Variants in TCF4 observed in about 807,000 individuals in gnomAD.
TCF4 encodes the protein transcription factor 4.
Under a neutral mutation model 82.1 loss-of-function variants are expected in TCF4, and 3 were observed. That is an observed-to-expected ratio of 0.04 (90% CI 0.02 to 0.09). TCF4 has a LOEUF of 0.09. Among genes scored for constraint, TCF4 ranks in the 10% least tolerant of loss-of-function variants. The probability of loss-of-function intolerance (pLI) is 1.00; values close to 1 mark genes in which losing one functional copy is unlikely to be tolerated. For synonymous variants in TCF4, 276 were observed against 309.6 expected (o/e 0.89, Z 1.14); for missense variants, 518 against 852.7 (o/e 0.61, Z 4.89).
chr18:55,523,658 T>C (rs954286393), intron 3 of TCF4, among the ~76,000 whole-genome samples: 11 of 152,044 alleles, frequency 7.2e-5, no homozygotes, highest in Non-Finnish European at 1.5e-4. Context: ...CAATACATAG[T>C]ATCTCTTTTA....
At chr18:55,538,734 A>G (rs985984605) in intron 3 of TCF4, among the ~76,000 whole-genome samples, 6 of 152,180 alleles carry the variant, frequency 3.9e-5, no homozygotes, top group African/African-American at 1.4e-4. Context: ...CCTTCAGCAA[A>G]CAGCAAACAC....
chr18:55,321,623 A>G (rs181423443), intron 8 of TCF4: 12 of 1,536,082 alleles, frequency 7.8e-6, no homozygotes, highest in Non-Finnish European at 9.6e-6. Context: ...CATCCCTGCG[A>G]CAATAAAACT....
intron 2 of TCF4, among the ~76,000 whole-genome samples, chr18:55,594,634 A>G (rs2097689024): frequency 6.6e-6 from 1 of 152,170 alleles, no homozygotes; most frequent in Admixed American, 6.5e-5. Flanking sequence ...CCAGCAGGCT[A>G]CTGACTCCTG....
intron 3 of TCF4, among the ~76,000 whole-genome samples, chr18:55,476,970 A>G (rs1320480078): frequency 6.6e-6 from 1 of 152,184 alleles, no homozygotes. Context: ...ATACACACAC[A>G]CACGATACAC....
At chr18:55,322,027 T>C in intron 8 of TCF4, 3 of 1,198,716 alleles carry the variant, frequency 2.5e-6, no homozygotes, top group Non-Finnish European at 3.1e-6. Flanking sequence ...GGGGTTTTTA[T>C]TAGTTCCTCG....
intron 8 of TCF4, among the ~76,000 whole-genome samples, chr18:55,280,317 A>G (rs925427661): frequency 1.4e-4 from 22 of 152,152 alleles, no homozygotes; most frequent in Non-Finnish European, 2.9e-4. Flanking sequence ...TGCTTATTAT[A>G]TTTGTGTGTA....
At chr18:55,515,718 C>A (rs1264126196) in intron 3 of TCF4, among the ~76,000 whole-genome samples, 1 of 152,108 alleles carries the variant, frequency 6.6e-6, no homozygotes, top group African/African-American at 2.4e-5. Flanking sequence ...GAAGCCAGAT[C>A]ATGGCACATT....
intron 3 of TCF4, among the ~76,000 whole-genome samples, chr18:55,466,839 A>G (rs1442461364): frequency 1.3e-5 from 2 of 152,200 alleles, no homozygotes; most frequent in Non-Finnish European, 2.9e-5. Context: ...CAATCCACTA[A>G]TTAAAAATGC....
At chr18:55,248,636 T>A (rs1218551736) in intron 15 of TCF4, among the ~76,000 whole-genome samples, 1 of 152,218 alleles carries the variant, frequency 6.6e-6, no homozygotes, top group Non-Finnish European at 1.5e-5. Flanking sequence ...TGGTTTCTAA[T>A]TTCTACCACT....
At chr18:55,261,737 C>G (rs534557386) in intron 11 of TCF4, among the ~76,000 whole-genome samples, 2 of 152,114 alleles carry the variant, frequency 1.3e-5, no homozygotes, top group Non-Finnish European at 2.9e-5. Flanking sequence ...AAACCTGACA[C>G]CTTGGTTTAA....
chr18:55,318,239 T>G (rs1474299105), intron 8 of TCF4, among the ~76,000 whole-genome samples: 2 of 152,078 alleles, frequency 1.3e-5, no homozygotes, highest in Non-Finnish European at 2.9e-5. Flanking sequence ...TCTTCTTCAA[T>G]GAACATGCAA....
At chr18:55,578,389 C>A (rs2097547833) in intron 3 of TCF4, among the ~76,000 whole-genome samples, 1 of 152,030 alleles carries the variant, frequency 6.6e-6, no homozygotes, top group African/African-American at 2.4e-5. Flanking sequence ...AGCCAATAAC[C>A]AACTGCATGA....
intron 15 of TCF4, among the ~76,000 whole-genome samples, chr18:55,249,465 G>C (rs2054331416): frequency 6.6e-6 from 1 of 152,140 alleles, no homozygotes; most frequent in South Asian, 2.1e-4. Flanking sequence ...TGTGGGGTGA[G>C]TTGCACATGA....
intron 5 of TCF4, among the ~76,000 whole-genome samples, chr18:55,428,073 G>A (rs1397314817): frequency 2.0e-5 from 3 of 152,140 alleles, no homozygotes. Context: ...GGGATGGAAA[G>A]TCAGTTCCTA....
chr18:55,624,232 T>A (rs1364262231), intron 2 of TCF4, among the ~76,000 whole-genome samples: 1 of 152,020 alleles, frequency 6.6e-6, no homozygotes, highest in Admixed American at 6.6e-5. Context: ...TTCTTAAAAT[T>A]CTGTAGGCAG....
At chr18:55,369,380 AG>A (rs2088238595) in intron 6 of TCF4, among the ~76,000 whole-genome samples, 1 of 152,228 alleles carries the variant, frequency 6.6e-6, no homozygotes, top group African/African-American at 2.4e-5. Flanking sequence ...TGGAGACACC[AG>A]ACTGAAGGTC....
At chr18:55,280,436 T>C (rs2062354306) in intron 8 of TCF4, among the ~76,000 whole-genome samples, 2 of 152,192 alleles carry the variant, frequency 1.3e-5, no homozygotes, top group African/African-American at 4.8e-5. Flanking sequence ...TGTATTTTCT[T>C]GTTTATGTTT....
chr18:55,271,070 C>G (rs533660558), intron 10 of TCF4, among the ~76,000 whole-genome samples: 29 of 152,000 alleles, frequency 1.9e-4, no homozygotes, highest in African/African-American at 6.5e-4. Context: ...ATTTAAAACC[C>G]AAGCATTTGC....
intron 11 of TCF4, chr18:55,266,219 T>C (rs2145862110): frequency 6.6e-6 from 1 of 152,312 alleles, no homozygotes; most frequent in African/African-American, 2.4e-5. Flanking sequence ...TAACCAAATG[T>C]GTATGGTTAA....
Sources: allele counts gnomAD v4.1 joint callset (sites outside exome capture counted in the v4.1 genomes callset), GRCh38; gene constraint gnomAD v4.1.1; transcripts MANE v1.5; gene names NCBI Gene and HGNC (gene_info 2026-07-23, HGNC 2026-07-21).